The following GABRA3 variants were observed in gnomAD, a reference collection of about 807,000 sequenced individuals.
GABRA3 encodes gamma-aminobutyric acid type A receptor subunit alpha3, also known as gamma-aminobutyric acid receptor subunit alpha-3.
A neutral mutation model predicts 30.1 loss-of-function variants in GABRA3; 10 were observed. The ratio of observed to expected loss-of-function variants is 0.33; its 90% CI spans 0.20 to 0.56. The LOEUF (loss-of-function observed/expected upper bound fraction) is 0.56, where lower values mean the gene tolerates loss of function less well. Ranked by LOEUF, GABRA3 falls within the 20% of genes least tolerant of loss-of-function variation. The pLI is 0.89. For missense variants in GABRA3, 233 were observed against 392.0 expected, an observed-to-expected ratio of 0.59 and a Z score of 3.42; for synonymous variants, 151 against 146.8, an observed-to-expected ratio of 1.03 and a Z score of -0.21.
At chrX:152,349,372 C>T (rs956252690) in intron 2 of GABRA3, among the ~76,000 whole-genome samples, 1 of 110,228 alleles carries the variant, frequency 9.1e-6, no homozygotes, top group Non-Finnish European at 1.9e-5. Flanking sequence ...TAAACACCAT[C>T]GAGACTAGGA....
At chrX:152,376,833 C>A (rs1377298245) in intron 1 of GABRA3, among the ~76,000 whole-genome samples, 1 of 111,385 alleles carries the variant, frequency 9.0e-6, no homozygotes, top group East Asian at 2.8e-4. Flanking sequence ...TTGTGGGTTT[C>A]TATATGGATA....
chrX:152,332,177 C>A (rs142089076), intron 3 of GABRA3, among the ~76,000 whole-genome samples: 22 of 112,122 alleles, frequency 2.0e-4, no homozygotes, highest in South Asian at 3.7e-4. Context: ...GAAAACAATT[C>A]TGTGTGCTGT....
chrX:152,347,600 A>G (rs1171357369), intron 2 of GABRA3, among the ~76,000 whole-genome samples: 1 of 111,224 alleles, frequency 9.0e-6, no homozygotes, highest in Non-Finnish European at 1.9e-5. Context: ...ATAAATATAT[A>G]TACCTATGAT....
chrX:152,374,249 G>A (rs1177867641), intron 1 of GABRA3, among the ~76,000 whole-genome samples: 1 of 109,116 alleles, frequency 9.2e-6, no homozygotes, highest in African/African-American at 3.3e-5. Flanking sequence ...TCTGTAGGTT[G>A]TCTGTTCACT....
At chrX:152,234,768 A>G (rs940565274) in intron 5 of GABRA3, among the ~76,000 whole-genome samples, 1 of 111,529 alleles carries the variant, frequency 9.0e-6, no homozygotes, top group African/African-American at 3.3e-5. Context: ...TTTCTCAAAG[A>G]TCGATTGGCT....
intron 3 of GABRA3, among the ~76,000 whole-genome samples, chrX:152,308,925 C>A (rs1051293446): frequency 1.8e-5 from 2 of 111,887 alleles, no homozygotes; most frequent in African/African-American, 6.5e-5. Flanking sequence ...GATGAAATAG[C>A]CATTTTAAGA....
intron 2 of GABRA3, among the ~76,000 whole-genome samples, chrX:152,357,814 G>T (rs1940574282): frequency 1.8e-5 from 2 of 111,100 alleles, no homozygotes; most frequent in African/African-American, 6.5e-5. Flanking sequence ...AGGGATTTCT[G>T]TCCCCATTGC....
chrX:152,218,223 T>C (rs1053233770), intron 6 of GABRA3, among the ~76,000 whole-genome samples: 2 of 110,499 alleles, frequency 1.8e-5, no homozygotes, highest in African/African-American at 3.3e-5. Context: ...ATTTGGATCA[T>C]TGTCTGTTTA....
Position 152,297,061 on chromosome X carries a change from A to G in GABRA3, c.263-12326T>C, listed in dbSNP as rs112109961. ...TGTACACAACATATGCTGATAAAAT[A>G]ACACCAGAAGGAACTACCAAAACAT... On this transcript the variant is annotated intron_variant, in intron 3 of 9. Transcript: ENST00000370314. Among the ~76,000 whole-genome samples, 877 of 111,424 alleles carry G rather than the reference A, an allele frequency of 7.9e-3. 11 individuals carry two copies. The highest frequency in any genetic ancestry group is 0.028 in the African/African-American group (841 of 30,562).
intron 5 of GABRA3, among the ~76,000 whole-genome samples, chrX:152,225,444 A>G (rs1015053780): frequency 1.2e-4 from 13 of 107,537 alleles, no homozygotes; most frequent in Non-Finnish European, 2.1e-4. Context: ...ACACACACAC[A>G]CACACACACA....
At chrX:152,227,071 A>G (rs2124383779) in intron 5 of GABRA3, among the ~76,000 whole-genome samples, 1 of 110,430 alleles carries the variant, frequency 9.1e-6, no homozygotes, top group East Asian at 2.9e-4. Context: ...TGCTATAAAG[A>G]CACATGCACA....
chrX:152,262,842 T>C (rs1938754828), intron 4 of GABRA3, among the ~76,000 whole-genome samples: 1 of 112,004 alleles, frequency 8.9e-6, no homozygotes, highest in South Asian at 3.7e-4. Flanking sequence ...AGTGCCCGAC[T>C]CTCTGTGATA....
intron 1 of GABRA3, among the ~76,000 whole-genome samples, chrX:152,382,443 G>T (rs185133988): frequency 8.9e-6 from 1 of 112,266 alleles, no homozygotes; most frequent in East Asian, 2.8e-4. Flanking sequence ...ATACCCAAAG[G>T]ATTGTAAATC....
intron 4 of GABRA3, among the ~76,000 whole-genome samples, chrX:152,260,427 G>A (rs56098614): frequency 0.1 from 11,537 of 110,419 alleles, 485 homozygotes; most frequent in South Asian, 0.12. Flanking sequence ...GAAGCCTTGA[G>A]TGAGACCCAA....
At chrX:152,423,774 T>C (rs752189632) in intron 1 of GABRA3, among the ~76,000 whole-genome samples, 9 of 110,746 alleles carry the variant, frequency 8.1e-5, no homozygotes, top group Non-Finnish European at 1.5e-4. Flanking sequence ...TCAAAGAAAA[T>C]ACAAAATTGA....
chrX:152,248,784 G>A (rs777520331), intron 5 of GABRA3, among the ~76,000 whole-genome samples: 2 of 111,603 alleles, frequency 1.8e-5, no homozygotes, highest in Non-Finnish European at 3.8e-5. Context: ...CAATAATGAC[G>A]ATATATTGCA....
At chrX:152,180,296 T>A (rs961071057) in intron 9 of GABRA3, among the ~76,000 whole-genome samples, 6 of 112,224 alleles carry the variant, frequency 5.3e-5, no homozygotes, top group African/African-American at 1.9e-4. Context: ...TTCTGATGAT[T>A]AGTAATCTTG....
intron 8 of GABRA3, among the ~76,000 whole-genome samples, chrX:152,194,765 T>G (rs890056712): frequency 6.3e-5 from 7 of 111,241 alleles, no homozygotes; most frequent in African/African-American, 2.3e-4. Context: ...CTTATTTTCT[T>G]TAAAAATCTT....
chrX:152,219,082 C>T (rs897231676), intron 6 of GABRA3, among the ~76,000 whole-genome samples: 5 of 111,219 alleles, frequency 4.5e-5, no homozygotes, highest in Non-Finnish European at 7.6e-5. Flanking sequence ...CACCTGTCTT[C>T]GCCTTCACGT....
Sources: gnomAD v4.1 joint callset for allele counts (sites outside exome capture counted in the v4.1 genomes callset) on GRCh38, gnomAD v4.1.1 for gene constraint, MANE v1.5 for transcripts, NCBI Gene and HGNC (gene_info 2026-07-23, HGNC 2026-07-21) for gene names.